The following FETUB variants were observed in gnomAD, a reference collection of about 807,000 sequenced individuals.
FETUB encodes the protein fetuin-B.
In FETUB, 28 loss-of-function variants were observed where a neutral mutation model predicts 30.9. The ratio of observed to expected loss-of-function variants is 0.90; its 90% CI spans 0.67 to 1.24. The LOEUF is 1.24. Among genes scored for constraint, FETUB ranks in the 50% most tolerant of loss-of-function variants. FETUB has a pLI of 0.00. For missense variants in FETUB, 469 were observed against 455.3 expected (o/e 1.03, Z -0.27); for synonymous variants, 186 against 175.9 (o/e 1.06, Z -0.45).
At chr3:186,651,810 C>A (rs1422774949) in intron 6 of FETUB, 1 of 170,326 alleles carries the variant, frequency 5.9e-6, no homozygotes, top group Admixed American at 5.6e-5. Flanking sequence ...ACACACTTAC[C>A]TGTTCGAGTT....
intron 5 of FETUB, among the ~76,000 whole-genome samples, chr3:186,648,596 C>T (rs1246175152): frequency 6.6e-6 from 1 of 152,184 alleles, no homozygotes; most frequent in Admixed American, 6.5e-5. Flanking sequence ...AAAGTACTGT[C>T]ATCTTAACAA....
rs1300900401 is a variant in FETUB at position 186,642,542 on chromosome 3, C to A, written c.408C>A (p.Asn136Lys). 2.5e-6 allele frequency: 4 copies of A among 1,598,258 alleles called. No homozygotes were observed. The highest frequency in any genetic ancestry group is 1.3e-5 in the African/African-American group (1 of 74,710). ...GAGTTCTCTATTTAGCTGCTTATAACTGTACTCTTCGCCCAGGTAAGAAAT... is the reference window on the plus strand; with the variant it reads ...GAGTTCTCTATTTAGCTGCTTATAAATGTACTCTTCGCCCAGGTAAGAAAT... ...PSRVLYLAAY[N>K]CTLRPVSKKK... The change falls in exon 3 of 7, where the codon AAC becomes AAA. Residue 136 changes from asparagine (N) to lysine (K), a missense_variant. Physicochemically the swap from Asn to Lys is moderately conservative, Grantham distance 94. Transcript: ENST00000265029.
At chr3:186,646,483 T>C in intron 5 of FETUB, 134 bp downstream of exon 5, 1 of 686,854 alleles carries the variant, frequency 1.5e-6, no homozygotes, top group Non-Finnish European at 2.6e-6. Flanking sequence ...TCTGACTAGT[T>C]AGAGATTAGA....
intron 5 of FETUB, among the ~76,000 whole-genome samples, chr3:186,648,099 A>G (rs896062851): frequency 1.3e-5 from 2 of 152,220 alleles, no homozygotes; most frequent in African/African-American, 4.8e-5. Context: ...GATCAATAGA[A>G]TAAAATTGAA....
At chr3:186,639,294 C>T (rs1472836502), upstream of FETUB, among the ~76,000 whole-genome samples, 1 of 152,188 alleles carries the variant, frequency 6.6e-6, no homozygotes, top group Admixed American at 6.6e-5. Flanking sequence ...GAGCCCTCAT[C>T]AGGATAGGAT....
At chr3:186,636,406 T>C (rs1476101832), upstream of FETUB, among the ~76,000 whole-genome samples, 2 of 152,224 alleles carry the variant, frequency 1.3e-5, no homozygotes, top group African/African-American at 4.8e-5. Context: ...AAACACATCC[T>C]TGGACAGACC....
chr3:186,640,292 G>A (rs929681526), upstream of FETUB: 15 of 630,368 alleles, frequency 2.4e-5, no homozygotes, highest in African/African-American at 2.6e-4. Flanking sequence ...ATTGGGAAAT[G>A]CTATCCAAAG....
intron 5 of FETUB, among the ~76,000 whole-genome samples, chr3:186,650,964 A>G (rs1160132561): frequency 6.6e-6 from 1 of 152,232 alleles, no homozygotes; most frequent in African/African-American, 2.4e-5. Flanking sequence ...TCCACTCAAC[A>G]CAAAGAATTT....
chr3:186,652,651 G>A lies in FETUB; in HGVS notation c.*20G>A. On this transcript the variant is annotated 3_prime_UTR_variant, in exon 7 of 7. Coordinates refer to ENST00000265029, the MANE Select transcript of FETUB (RefSeq NM_014375.3). Reference sequence around the variant, plus strand: ...CCATGAGAATCACACAGAGTCTTCTGTAGGGGTATGGTGCGCCGCATGACA... The same window carrying A: ...CCATGAGAATCACACAGAGTCTTCTATAGGGGTATGGTGCGCCGCATGACA... The A allele has an allele frequency of 6.3e-7, 1 of 1,584,352 alleles. No homozygotes were observed. The highest frequency in any genetic ancestry group is 8.6e-7 in the Non-Finnish European group (1 of 1,167,696).
At chr3:186,644,967 T>C in intron 4 of FETUB, 47 bp downstream of exon 4, 1 of 1,486,472 alleles carries the variant, frequency 6.7e-7, no homozygotes, top group Non-Finnish European at 9.1e-7. Flanking sequence ...GTCTCATAAC[T>C]GTTGCTGTAG....
At chr3:186,648,823 C>T (rs1014347804) in intron 5 of FETUB, among the ~76,000 whole-genome samples, 1 of 152,092 alleles carries the variant, frequency 6.6e-6, no homozygotes, top group African/African-American at 2.4e-5. Flanking sequence ...TGTAGAAAGA[C>T]GATTGATTTT....
intron 3 of FETUB, among the ~76,000 whole-genome samples, 198 bp from the exon 4 acceptor site, chr3:186,644,553 A>G (rs1023065130): frequency 6.6e-6 from 1 of 152,146 alleles, no homozygotes; most frequent in African/African-American, 2.4e-5. Context: ...TGTGAGGTGA[A>G]AACTTTGCTT....
intron 1 of FETUB, 60 bp downstream of exon 1, chr3:186,640,745 AG>A (rs1716978308): frequency 1.2e-5 from 17 of 1,389,036 alleles, no homozygotes; most frequent in Non-Finnish European, 1.7e-5. Flanking sequence ...GAGACTGGCC[AG>A]GGTGAGGGAA....
upstream of FETUB, among the ~76,000 whole-genome samples, chr3:186,639,485 G>C (rs1390779422): frequency 6.6e-6 from 1 of 152,116 alleles, no homozygotes; most frequent in African/African-American, 2.4e-5. Context: ...GGGCTTTATA[G>C]AATGCCCTTC....
At chr3:186,640,235 T>C, upstream of FETUB, 1 of 562,960 alleles carries the variant, frequency 1.8e-6, no homozygotes, top group Non-Finnish European at 3.2e-6. Flanking sequence ...AATTCATTTG[T>C]ATGTACAGGT....
rs185546154 is a variant in FETUB at position 186,645,255 on chromosome 3, C to T, written c.594+335C>T. The stretch of plus-strand genomic sequence containing the variant: ...ATGTGACTGATCGTGGACCATTTTA[C>T]AACATAACTTTTACTCTATTTTAAG... On this transcript the variant is annotated intron_variant, in intron 4 of 6. Coordinates refer to ENST00000265029, the MANE Select transcript of FETUB (RefSeq NM_014375.3). 1.1e-3 allele frequency among the ~76,000 whole-genome samples: 166 copies of T among 152,296 alleles called. 1 individual carries two copies. Among genetic ancestry groups the T allele is most frequent in the Admixed American group, 9.4e-3 (144 of 15,294 alleles).
At chr3:186,651,512 C>G (rs1194025252) in intron 6 of FETUB, 1 of 534,052 alleles carries the variant, frequency 1.9e-6, no homozygotes, top group Non-Finnish European at 3.4e-6. Context: ...ATAAGCAAGA[C>G]AAATTCAGAA....
chr3:186,647,995 C>CAAA (rs1391486791), intron 5 of FETUB, among the ~76,000 whole-genome samples: 16 of 151,120 alleles, frequency 1.1e-4, no homozygotes, highest in African/African-American at 3.6e-4. Context: ...ACAACAACAA[C>CAAA]AAAAAAATAG....
chr3:186,640,359 A>T, upstream of FETUB: 3 of 845,190 alleles, frequency 3.5e-6, no homozygotes, highest in African/African-American at 1.7e-5. Flanking sequence ...TAGCCCTTCC[A>T]GTTGTAACAA....
Sources: allele counts gnomAD v4.1 joint callset (sites outside exome capture counted in the v4.1 genomes callset), GRCh38; gene constraint gnomAD v4.1.1; transcripts MANE v1.5; gene names NCBI Gene and HGNC (gene_info 2026-07-23, HGNC 2026-07-21).